Variants in DAB1 observed in about 807,000 individuals in gnomAD.
The protein encoded by DAB1 is DAB adaptor protein 1.
In DAB1, 15 loss-of-function variants were observed where a neutral mutation model predicts 64.6. That is an observed-to-expected ratio of 0.23 (90% CI 0.16 to 0.36). DAB1 has a LOEUF of 0.36. Among genes scored for constraint, DAB1 ranks in the 10% least tolerant of loss-of-function variants. DAB1 has a pLI of 1.00. For synonymous variants in DAB1, 235 were observed against 251.9 expected, an observed-to-expected ratio of 0.93 and a Z score of 0.64; for missense variants, 596 against 706.7, an observed-to-expected ratio of 0.84 and a Z score of 1.78.
rs747296449 is a variant in DAB1, at chr1:57,072,424, A to G, written c.307-10T>C. The G allele has an allele frequency of 6.3e-7, 1 of 1,595,004 alleles. No homozygotes were observed. On this transcript the variant is annotated splice_polypyrimidine_tract_variant and intron_variant, in intron 4 of 14. Transcript: ENST00000371236. ...GATGATGCTGAAGGGCCTATCAGAG[A>G]AAAAAAAGGAAGAACATATTTCAGG...
chr1:57,763,110 C>A (rs1649156704), intron 6 of DAB1, among the ~76,000 whole-genome samples: 1 of 152,188 alleles, frequency 6.6e-6, no homozygotes, highest in Admixed American at 6.5e-5. Context: ...AACGATGCGA[C>A]ACAGGATGTA....
chr1:57,169,796 T>C (rs1661556726), intron 2 of DAB1, among the ~76,000 whole-genome samples: 1 of 152,058 alleles, frequency 6.6e-6, no homozygotes, highest in South Asian at 2.1e-4. Flanking sequence ...CCCCTGATGT[T>C]TCCTCTTAGT....
At chr1:57,779,582 C>A (rs188692506) in intron 6 of DAB1, among the ~76,000 whole-genome samples, 115 of 152,274 alleles carry the variant, frequency 7.6e-4, no homozygotes, top group African/African-American at 2.7e-3. Flanking sequence ...TTTCAAAGGC[C>A]TGTTTGTACA....
At chr1:57,199,936 C>G (rs1265957294) in intron 2 of DAB1, among the ~76,000 whole-genome samples, 1 of 152,200 alleles carries the variant, frequency 6.6e-6, no homozygotes, top group African/African-American at 2.4e-5. Flanking sequence ...TGAGTCCAAG[C>G]TGCACAAGCT....
intron 8 of DAB1, among the ~76,000 whole-genome samples, chr1:57,065,198 G>A (rs1650781810): frequency 6.6e-6 from 1 of 152,140 alleles, no homozygotes; most frequent in Non-Finnish European, 1.5e-5. Flanking sequence ...TATCTCAGCT[G>A]GGATATCTTC....
At chr1:58,231,134 A>G (rs908492603) in intron 4 of DAB1, among the ~76,000 whole-genome samples, 6 of 152,234 alleles carry the variant, frequency 3.9e-5, no homozygotes, top group Admixed American at 2.0e-4. Context: ...TTCAAGAAGC[A>G]TTAGTTGTCA....
chr1:58,510,247 C>T (rs1470095487), intron 2 of DAB1, among the ~76,000 whole-genome samples: 1 of 151,942 alleles, frequency 6.6e-6, no homozygotes, highest in East Asian at 1.9e-4. Flanking sequence ...TACTAGCAAG[C>T]CAAATTCAAG....
intron 4 of DAB1, among the ~76,000 whole-genome samples, chr1:58,331,786 G>A (rs1486460227): frequency 6.6e-6 from 1 of 152,190 alleles, no homozygotes; most frequent in Admixed American, 6.5e-5. Context: ...ACAGTATAGT[G>A]TAAACATAAC....
rs542456415 is a variant in DAB1 at position 57,010,484 on chromosome 1, T to C, written c.*15+196A>G. On this transcript the variant is annotated intron_variant, in intron 14 of 14. Transcript: ENST00000371236. The stretch of plus-strand genomic sequence containing the variant: ...GGACATGGTGCAGACACTGGTGATA[T>C]AGCTCAGGCAAGAAGAAATAGTGCA... Among the ~76,000 whole-genome samples, 15 of 152,186 alleles carry C rather than the reference T, an allele frequency of 9.9e-5. No individual in the cohort carries two copies. The South Asian group carries it at 1.0e-3, about 11-fold the overall frequency.
chr1:58,370,534 T>C (rs1441932364), intron 3 of DAB1, among the ~76,000 whole-genome samples: 1 of 152,082 alleles, frequency 6.6e-6, no homozygotes, highest in Non-Finnish European at 1.5e-5. Context: ...GAAGGAGTTA[T>C]TCACGTTATC....
chr1:57,283,113 C>T (rs996178468), intron 2 of DAB1, among the ~76,000 whole-genome samples: 37 of 152,162 alleles, frequency 2.4e-4, no homozygotes, highest in African/African-American at 8.7e-4. Context: ...CCTCTGCAAA[C>T]ATTATTTTCT....
At chr1:58,242,676 A>C (rs1042003039) in intron 4 of DAB1, among the ~76,000 whole-genome samples, 1 of 152,152 alleles carries the variant, frequency 6.6e-6, no homozygotes, top group Non-Finnish European at 1.5e-5. Flanking sequence ...AAAAACAACC[A>C]ATGTCAGTGC....
In DAB1 at chr1:58,546,052, T is replaced by C. The variant is rs117519569; in HGVS notation, n.32+651A>G. On this transcript the variant is annotated intron_variant and non_coding_transcript_variant, in intron 1 of 20. Transcript: ENST00000485760. ...CTGGACTACAATTTCTTGTTGAGGA[T>C]TGCACGGCACAATAAAACTGTTGCT... Among the ~76,000 whole-genome samples, 17 of 152,332 alleles carry C rather than the reference T, an allele frequency of 1.1e-4. No homozygotes were observed. In the East Asian group the frequency reaches 2.9e-3, roughly 26 times the overall value.
In DAB1 at chr1:57,174,746, G is replaced by A. The variant is rs533840626; in HGVS notation, c.68-29317C>T. Among the ~76,000 whole-genome samples the A allele has an allele frequency of 5.3e-5, 8 of 152,228 alleles. 1 individual carries two copies. In the South Asian group the frequency reaches 1.7e-3, roughly 32 times the overall value. On this transcript the variant is annotated intron_variant, in intron 2 of 14. Transcript: ENST00000371236. ...CTGATGCTGGCTCTACTCCGAACAG[G>A]AATGCCAGGAAGGCTACTTGATTTC...
chr1:58,178,346 T>C (rs1175782717), intron 4 of DAB1, among the ~76,000 whole-genome samples: 1 of 152,076 alleles, frequency 6.6e-6, no homozygotes, highest in African/African-American at 2.4e-5. Flanking sequence ...ACATATACGC[T>C]ATTATGGGCT....
intron 3 of DAB1, among the ~76,000 whole-genome samples, chr1:58,470,763 C>T (rs917334530): frequency 2.0e-5 from 3 of 152,154 alleles, no homozygotes; most frequent in Non-Finnish European, 4.4e-5. Flanking sequence ...CTCCTTCCAG[C>T]GACCTTCATG....
chr1:57,375,195 AC>A (rs1055171243), intron 1 of DAB1, among the ~76,000 whole-genome samples: 2 of 151,786 alleles, frequency 1.3e-5, no homozygotes, highest in Non-Finnish European at 2.9e-5. Flanking sequence ...CTCCTCTCCC[AC>A]TCATTTCCTC....
At chr1:57,559,421 G>A (rs1378243171) in intron 7 of DAB1, among the ~76,000 whole-genome samples, 3 of 152,178 alleles carry the variant, frequency 2.0e-5, no homozygotes, top group African/African-American at 7.2e-5. Flanking sequence ...TTTATGCAGT[G>A]AATCTTTCTC....
intron 13 of DAB1, 22 bp from the exon 14 acceptor site, chr1:57,010,812 C>CTT: frequency 9.8e-6 from 14 of 1,432,316 alleles, no homozygotes; most frequent in South Asian, 5.5e-5. Context: ...GAAGATAATA[C>CTT]TTTTTTTTTT....
Sources: gnomAD v4.1 joint callset for allele counts (sites outside exome capture counted in the v4.1 genomes callset) on GRCh38, gnomAD v4.1.1 for gene constraint, MANE v1.5 for transcripts, NCBI Gene and HGNC (gene_info 2026-07-23, HGNC 2026-07-21) for gene names.